CACNA2D2: variants seen among roughly 807,000 people sequenced by gnomAD.
The protein encoded by CACNA2D2 is voltage-dependent calcium channel subunit alpha-2/delta-2.
Under a neutral mutation model 166.4 loss-of-function variants are expected in CACNA2D2, and 48 were observed. The observed-to-expected ratio is 0.29, with a 90% CI of 0.23 to 0.37. The LOEUF (loss-of-function observed/expected upper bound fraction) is 0.37, where lower values mean the gene tolerates loss of function less well. Ranked by LOEUF, CACNA2D2 falls within the 10% of genes least tolerant of loss-of-function variation. The probability of loss-of-function intolerance (pLI) is 1.00; values close to 1 mark genes in which losing one functional copy is unlikely to be tolerated. For missense variants in CACNA2D2, 1,122 were observed against 1,433.0 expected (o/e 0.78, Z 3.50); for synonymous variants, 561 against 573.7 (o/e 0.98, Z 0.32).
intron 1 of CACNA2D2, among the ~76,000 whole-genome samples, chr3:50,492,873 G>A (rs976603637): frequency 6.6e-6 from 1 of 152,158 alleles, no homozygotes; most frequent in Non-Finnish European, 1.5e-5. Context: ...ACAGGGCTGA[G>A]TGCTTGGACC....
At chr3:50,397,978 G>C (rs762037526) in intron 3 of CACNA2D2, among the ~76,000 whole-genome samples, 3 of 152,144 alleles carry the variant, frequency 2.0e-5, no homozygotes, top group Non-Finnish European at 4.4e-5. Context: ...AGGGCTGGCA[G>C]GGAGACCGTG....
intron 2 of CACNA2D2, among the ~76,000 whole-genome samples, chr3:50,459,178 G>A (rs143661108): frequency 6.6e-6 from 1 of 152,310 alleles, no homozygotes; most frequent in East Asian, 1.9e-4. Context: ...AGGGAGATGA[G>A]ATTAGCAGAA....
intron 15 of CACNA2D2, 80 bp downstream of exon 15, chr3:50,377,928 C>T (rs1276835846): frequency 5.3e-6 from 8 of 1,510,998 alleles, no homozygotes; most frequent in African/African-American, 1.4e-5. Flanking sequence ...CATAAGGGGG[C>T]CCTCCAGGGT....
At chr3:50,370,453 G>A (rs1704593739) in intron 22 of CACNA2D2, 73 bp from the exon 23 acceptor site, 2 of 559,106 alleles carry the variant, frequency 3.6e-6, no homozygotes, top group East Asian at 4.4e-5. Context: ...AGCTGACGGG[G>A]CTGGAAGGAC....
Position 50,394,138 on chromosome 3 carries a change from T to C in CACNA2D2, c.436A>G (p.Lys146Glu), listed in dbSNP as rs1295084222. ...RLADAAENFQ[K>E]AHRWQDNIKE... is the part of the protein sequence containing the mutation. ...ATGTTGTCCTGCCAGCGGTGTGCTT[T>C]CTGGAAGTTCTCTGCAGCATCAGCC... Residue 146 changes from lysine to glutamate, a missense_variant, in exon 4 of 38, where the codon AAA becomes GAA. Lys to Glu is a moderately conservative substitution (Grantham distance 56). This residue lies in a region of CACNA2D2 where 840 missense variants were observed against 1,166.8 expected (regional missense o/e 0.72). Coordinates refer to ENST00000424201, the MANE Select transcript of CACNA2D2 (RefSeq NM_006030.4). 37 of 1,614,076 alleles carry C rather than the reference T, an allele frequency of 2.3e-5. No homozygotes were observed. Among genetic ancestry groups the C allele is most frequent in the Non-Finnish European group, 3.1e-5 (37 of 1,179,994 alleles).
Position 50,379,773 on chromosome 3 carries a change from G to A in CACNA2D2, c.945C>T (p.Cys315=), listed in dbSNP as rs147958763. The change falls in exon 10 of 38, where the codon TGC becomes TGT. Residue 315 remains cysteine, a synonymous_variant. Coordinates refer to ENST00000424201, the MANE Select transcript of CACNA2D2 (RefSeq NM_006030.4). The surrounding 1 kb of genome is among the most constrained non-coding windows in gnomAD (Gnocchi z 6.5). ...CATCAGACAGCGTGTCCAGCATCTC[G>A]CAGACAGATGTCTTCATCAGCTTCA... The part of the protein sequence containing the change: ...LTLKLMKTSV[C]EMLDTLSDDD... 55 of 1,613,820 alleles carry A rather than the reference G, an allele frequency of 3.4e-5. No individual in the cohort carries two copies. Among genetic ancestry groups the A allele is most frequent in the Admixed American group, 6.7e-5 (4 of 60,012 alleles).
intron 3 of CACNA2D2, among the ~76,000 whole-genome samples, chr3:50,426,337 G>A (rs1038378775): frequency 4.6e-5 from 7 of 152,176 alleles, no homozygotes; most frequent in Non-Finnish European, 1.0e-4. Flanking sequence ...GAAAGCCAGG[G>A]AGGCTGCATG....
At chr3:50,460,144 A>T (rs1709527300) in intron 2 of CACNA2D2, among the ~76,000 whole-genome samples, 2 of 152,206 alleles carry the variant, frequency 1.3e-5, no homozygotes, top group South Asian at 4.1e-4. Flanking sequence ...CCTGTTTTTT[A>T]AAATTAAAGA....
At chr3:50,390,900 C>T (rs370563026) in intron 4 of CACNA2D2, among the ~76,000 whole-genome samples, 1 of 152,210 alleles carries the variant, frequency 6.6e-6, no homozygotes, top group Non-Finnish European at 1.5e-5. Flanking sequence ...ACATGACTGC[C>T]GCCTGCCCAC....
intron 37 of CACNA2D2, 21 bp from the exon 38 acceptor site, chr3:50,364,827 C>G: frequency 6.2e-7 from 1 of 1,612,926 alleles, no homozygotes; most frequent in Middle Eastern, 1.7e-4. Flanking sequence ...AGACAAGGAG[C>G]TGGTCGGCCT....
chr3:50,406,563 T>A (rs1706722222), intron 3 of CACNA2D2, among the ~76,000 whole-genome samples: 1 of 151,478 alleles, frequency 6.6e-6, no homozygotes, highest in African/African-American at 2.4e-5. Context: ...AGCACCAATG[T>A]CCCCATGTTC....
chr3:50,374,839 G>A (rs371625053), intron 21 of CACNA2D2, 26 bp from the exon 22 acceptor site: 53 of 1,557,454 alleles, frequency 3.4e-5, no homozygotes, highest in African/African-American at 1.4e-4. Context: ...CTCGGGTCAC[G>A]GCTGGGGGGA....
intron 13 of CACNA2D2, 102 bp downstream of exon 13, chr3:50,378,813 G>C (rs1002099052): frequency 7.3e-7 from 1 of 1,368,396 alleles, no homozygotes; most frequent in South Asian, 1.2e-5. Flanking sequence ...GTCTTGCAGC[G>C]GGTGAACACA....
intron 17 of CACNA2D2, among the ~76,000 whole-genome samples, chr3:50,377,193 T>C (rs1219484706): frequency 3.9e-5 from 6 of 152,236 alleles, no homozygotes. Flanking sequence ...ATGTTTTGTT[T>C]GTGGCTGCTT....
chr3:50,410,460 G>A (rs1359872230), intron 3 of CACNA2D2, among the ~76,000 whole-genome samples: 2 of 150,674 alleles, frequency 1.3e-5, no homozygotes, highest in African/African-American at 4.9e-5. Flanking sequence ...CGAACCCACA[G>A]AGCTGGGTGC....
chr3:50,491,639 C>A (rs544414066), intron 1 of CACNA2D2, among the ~76,000 whole-genome samples: 2 of 152,310 alleles, frequency 1.3e-5, no homozygotes, highest in East Asian at 3.9e-4. Context: ...TCTGTGAGAA[C>A]AGGCGACAGC....
chr3:50,388,105 G>A (rs1234454463), intron 4 of CACNA2D2, among the ~76,000 whole-genome samples: 3 of 152,198 alleles, frequency 2.0e-5, no homozygotes, highest in Non-Finnish European at 4.4e-5. Flanking sequence ...TCCACAACAG[G>A]AGTGGGAGAA....
At position 50,380,764 on chromosome 3, in the gene CACNA2D2, C is replaced by T. The variant is rs1192786729; in HGVS notation, c.826G>A (p.Val276Ile). Residue 276 changes from valine to isoleucine, a missense_variant, in exon 8 of 38, where the codon GTC becomes ATC. Physicochemically the swap from Val to Ile is conservative, Grantham distance 29 (BLOSUM62 3). Around this residue, in one of 2 missense-constraint regions of CACNA2D2, gnomAD observed 840 missense variants for 1,166.8 expected, o/e 0.72. Transcript: ENST00000424201. This position sits in a 1 kb window ranked among gnomAD's most constrained non-coding sequence, Gnocchi z 4.9. Reference sequence around the variant, plus strand: ...CTCGCTCACCAGGGTCTCCTTCGGACATCGTACAGGTCGATCTTCTTGGGG... The same window carrying T: ...CTCGCTCACCAGGGTCTCCTTCGGATATCGTACAGGTCGATCTTCTTGGGG... ...RAPKKIDLYD[V>I]RRRPWYIQGA... 6.5e-7 allele frequency: 1 copy of T among 1,548,336 alleles called. No individual in the cohort carries two copies.
At chr3:50,417,925 T>C (rs1707340200) in intron 3 of CACNA2D2, among the ~76,000 whole-genome samples, 2 of 152,064 alleles carry the variant, frequency 1.3e-5, no homozygotes, top group Non-Finnish European at 2.9e-5. Context: ...AATGAATGGA[T>C]GGGTGGAGCC....
Sources: allele counts gnomAD v4.1 joint callset (sites outside exome capture counted in the v4.1 genomes callset), GRCh38; gene constraint gnomAD v4.1.1; regional missense constraint gnomAD v4.1.1; non-coding constraint Gnocchi (gnomAD v3.1); transcripts MANE v1.5; gene names NCBI Gene and HGNC (gene_info 2026-07-23, HGNC 2026-07-21).